Variants in DIS3L2 observed in about 807,000 individuals in gnomAD.
DIS3L2 encodes the protein DIS3-like exonuclease 2.
DIS3L2 carries 34 observed loss-of-function variants against 97.5 expected under a neutral mutation model. That is an observed-to-expected ratio of 0.35 (90% CI 0.27 to 0.46). DIS3L2 has a LOEUF of 0.46. Among genes scored for constraint, DIS3L2 ranks in the 20% least tolerant of loss-of-function variants. The pLI, the probability that DIS3L2 is intolerant of heterozygous loss-of-function variation, is 1.00. For synonymous variants in DIS3L2, 435 were observed against 445.2 expected (o/e 0.98, Z 0.29); for missense variants, 1,038 against 1,146.0 (o/e 0.91, Z 1.36).
intron 9 of DIS3L2, among the ~76,000 whole-genome samples, chr2:232,184,556 G>A (rs1157370971): frequency 2.6e-5 from 4 of 151,910 alleles, no homozygotes; most frequent in African/African-American, 7.2e-5. Flanking sequence ...AGGCTGAGGT[G>A]AGATAATCAC....
chr2:232,052,176 C>G (rs967824116), intron 5 of DIS3L2, among the ~76,000 whole-genome samples: 2 of 152,000 alleles, frequency 1.3e-5, no homozygotes. Context: ...ATGCCCATCA[C>G]CATGTCTGGC....
intron 9 of DIS3L2, among the ~76,000 whole-genome samples, chr2:232,202,862 T>C (rs903172030): frequency 6.6e-6 from 1 of 152,254 alleles, no homozygotes; most frequent in East Asian, 1.9e-4. Flanking sequence ...AACAGTATTA[T>C]GATATTGGCA....
intron 6 of DIS3L2, 64 bp downstream of exon 6, chr2:232,087,785 C>G: frequency 7.8e-7 from 1 of 1,290,036 alleles, no homozygotes; most frequent in Non-Finnish European, 1.1e-6. Context: ...GGAATTCCCT[C>G]TCTGCTGCAG....
chr2:232,258,402 G>T (rs988881006), intron 12 of DIS3L2, among the ~76,000 whole-genome samples: 2 of 152,070 alleles, frequency 1.3e-5, no homozygotes, highest in African/African-American at 4.8e-5. Flanking sequence ...GGCCAACATG[G>T]TGAAACCCCG....
chr2:232,219,901 T>G (rs935568234), intron 10 of DIS3L2, among the ~76,000 whole-genome samples: 2 of 152,162 alleles, frequency 1.3e-5, no homozygotes, highest in Non-Finnish European at 2.9e-5. Context: ...AAACAAAATT[T>G]GTGATCTAAA....
intron 14 of DIS3L2, chr2:232,329,291 G>C (rs1335260312): frequency 2.0e-5 from 3 of 153,148 alleles, no homozygotes; most frequent in East Asian, 3.8e-4. Context: ...GCACTCCTGG[G>C]ACTGTGGGGT....
chr2:232,242,142 A>G (rs1012815435), intron 11 of DIS3L2, among the ~76,000 whole-genome samples: 1 of 152,234 alleles, frequency 6.6e-6, no homozygotes, highest in African/African-American at 2.4e-5. Context: ...GGAAGTGTTG[A>G]TATGGAAAAG....
At chr2:231,995,914 GGT>G (rs1693718124) in intron 1 of DIS3L2, among the ~76,000 whole-genome samples, 1 of 152,162 alleles carries the variant, frequency 6.6e-6, no homozygotes, top group Admixed American at 6.5e-5. Flanking sequence ...GACTCACTCT[GGT>G]TTCTTTAAAA....
chr2:232,322,698 G>T (rs1453154532), intron 14 of DIS3L2, among the ~76,000 whole-genome samples: 7 of 152,216 alleles, frequency 4.6e-5, no homozygotes, highest in Admixed American at 2.6e-4. Flanking sequence ...GGAAGCCCAG[G>T]CTTCTCTCTC....
At chr2:232,296,701 A>G (rs1694734385) in intron 13 of DIS3L2, among the ~76,000 whole-genome samples, 1 of 152,154 alleles carries the variant, frequency 6.6e-6, no homozygotes, top group South Asian at 2.1e-4. Flanking sequence ...AGGCCTCCCC[A>G]GCCATGTGGA....
At chr2:232,261,110 C>T (rs1216674235) in intron 12 of DIS3L2, among the ~76,000 whole-genome samples, 2 of 152,208 alleles carry the variant, frequency 1.3e-5, no homozygotes, top group African/African-American at 2.4e-5. Flanking sequence ...ACCTAGCCTC[C>T]TTTGTACTTT....
At chr2:232,203,989 G>A (rs1691964287) in intron 9 of DIS3L2, among the ~76,000 whole-genome samples, 1 of 152,184 alleles carries the variant, frequency 6.6e-6, no homozygotes, top group Non-Finnish European at 1.5e-5. Flanking sequence ...GAAAAGTACA[G>A]GTTGGGGCTG....
intron 10 of DIS3L2, among the ~76,000 whole-genome samples, chr2:232,220,516 G>A (rs1692468946): frequency 1.3e-5 from 2 of 152,064 alleles, no homozygotes. Flanking sequence ...AGACCAGCCT[G>A]ACCAACATAG....
At chr2:232,006,983 A>G (rs1327580694) in intron 1 of DIS3L2, among the ~76,000 whole-genome samples, 3 of 152,328 alleles carry the variant, frequency 2.0e-5, no homozygotes, top group South Asian at 4.1e-4. Flanking sequence ...AAGAGATTAA[A>G]GAGTGTGTAA....
intron 11 of DIS3L2, among the ~76,000 whole-genome samples, chr2:232,243,787 T>C (rs1016024492): frequency 1.3e-5 from 2 of 152,218 alleles, no homozygotes; most frequent in African/African-American, 4.8e-5. Context: ...CTGTTATCTT[T>C]GCTGTCCCCT....
chr2:232,335,920 TCTCCTGC>T (rs1162555462), intron 20 of DIS3L2, 46 bp downstream of exon 20: 4 of 1,548,640 alleles, frequency 2.6e-6, no homozygotes, highest in South Asian at 1.2e-5. Flanking sequence ...TGATGACCCC[TCTCCTGC>T]CTCCTGCGGT....
At chr2:232,007,319 T>C (rs1694080772) in intron 1 of DIS3L2, among the ~76,000 whole-genome samples, 1 of 152,116 alleles carries the variant, frequency 6.6e-6, no homozygotes, top group Non-Finnish European at 1.5e-5. Flanking sequence ...AGTGAGTCCA[T>C]ATAGGAGAGA....
intron 6 of DIS3L2, among the ~76,000 whole-genome samples, chr2:232,097,471 A>T (rs1417684825): frequency 6.6e-6 from 1 of 151,836 alleles, no homozygotes; most frequent in Non-Finnish European, 1.5e-5. Flanking sequence ...AGTCCTTCTC[A>T]CCCTTCCCTC....
chr2:232,060,986 T>C (rs984466511), intron 5 of DIS3L2, among the ~76,000 whole-genome samples: 5 of 152,196 alleles, frequency 3.3e-5, no homozygotes, highest in Non-Finnish European at 5.9e-5. Flanking sequence ...GAAATGCTGC[T>C]GTATGTTGAT....
Sources: gnomAD v4.1 joint callset for allele counts (sites outside exome capture counted in the v4.1 genomes callset) on GRCh38, gnomAD v4.1.1 for gene constraint, MANE v1.5 for transcripts, NCBI Gene and HGNC (gene_info 2026-07-23, HGNC 2026-07-21) for gene names.